The following DIP2C variants were observed in gnomAD, a reference collection of about 807,000 sequenced individuals.
DIP2C encodes DIP2 acetate--CoA ligase C (putative), also known as disco-interacting protein 2 homolog C.
Under a neutral mutation model 192.4 loss-of-function variants are expected in DIP2C, and 33 were observed. That is an observed-to-expected ratio of 0.17 (90% CI 0.13 to 0.23). DIP2C has a LOEUF of 0.23. DIP2C is among the 10% of genes least tolerant of loss of function. The probability of loss-of-function intolerance (pLI) is 1.00; values close to 1 mark genes in which losing one functional copy is unlikely to be tolerated. For missense variants in DIP2C, 1,537 were observed against 2,110.1 expected (o/e 0.73, Z 5.32); for synonymous variants, 979 against 864.1 (o/e 1.13, Z -2.33).
intron 2 of DIP2C, among the ~76,000 whole-genome samples, chr10:472,888 T>C (rs758311211): frequency 1.3e-5 from 2 of 152,264 alleles, no homozygotes; most frequent in African/African-American, 2.4e-5. Context: ...ACTCAAGTTA[T>C]GACCTTTTAA....
intron 1 of DIP2C, among the ~76,000 whole-genome samples, chr10:679,188 A>G (rs201370780): frequency 1.8e-4 from 1 of 5,446 alleles, no homozygotes; most frequent in Admixed American, 3.9e-3. Context: ...CATGCTCCCC[A>G]CACCCAGGCT....
chr10:409,755 A>G (rs922042121), intron 8 of DIP2C, among the ~76,000 whole-genome samples: 2 of 152,222 alleles, frequency 1.3e-5, no homozygotes, highest in African/African-American at 4.8e-5. Flanking sequence ...CTCACCTTCA[A>G]ACTTTCCTAA....
rs141463591 is a variant in DIP2C, at chr10:607,519, C to T, written c.85+81975G>A. Among the ~76,000 whole-genome samples the T allele has an allele frequency of 5.9e-3, 895 of 152,294 alleles. 7 individuals are homozygous for T. The highest frequency in any genetic ancestry group is 0.031 in the Middle Eastern group (9 of 294). On this transcript the variant is annotated intron_variant, in intron 1 of 36. Transcript: ENST00000280886. ...GAGATCGTCTCTACCTTTATGAGCA[C>T]GTATGCTCCCTGACTTACCACGTGG...
chr10:682,940 C>G (rs1003742284), intron 1 of DIP2C, among the ~76,000 whole-genome samples: 21 of 152,208 alleles, frequency 1.4e-4, no homozygotes, highest in African/African-American at 2.2e-4. Context: ...CCATCAGTCA[C>G]AGCATCTCTC....
At chr10:317,081 TA>T (rs1564545129) in intron 31 of DIP2C, among the ~76,000 whole-genome samples, 1 of 152,176 alleles carries the variant, frequency 6.6e-6, no homozygotes, top group African/African-American at 2.4e-5. Context: ...CCAAAATATT[TA>T]AAAAATAAAT....
In DIP2C at chr10:349,458, C is replaced by T. The variant is rs374190085; in HGVS notation, c.2986-4G>A. On this transcript the variant is annotated splice_polypyrimidine_tract_variant and splice_region_variant and intron_variant, in intron 24 of 36. Transcript: ENST00000280886. ...TCAGCGAGTTCGCTATCGCACCCTG[C>T]GGGCCGATCACAGGGACAAGCACAT... is the stretch of plus-strand genomic sequence containing the variant. 154 of 1,598,630 alleles carry T rather than the reference C, an allele frequency of 9.6e-5. No individual in the cohort carries two copies. Among genetic ancestry groups the T allele is most frequent in the Admixed American group, 4.0e-4 (24 of 59,852 alleles).
At position 277,385 on chromosome 10, in the gene DIP2C, G is replaced by T; in HGVS notation, c.4611C>A (p.His1537Gln). ...GGTCTGCCAAAAACCCGTCTCGCAG[G>T]TGCATGCGCTGCTTCTCCCCACGGG... ...INSRGEKQRM[H>Q]LRDGFLADQL... The change falls in exon 37 of 37, where the codon CAC becomes CAA. Residue 1537 changes from histidine to glutamine, a missense_variant. By Grantham distance (24) the His-to-Gln change is conservative. Coordinates refer to ENST00000280886, the MANE Select transcript of DIP2C (RefSeq NM_014974.3). The T allele has an allele frequency of 6.2e-7, 1 of 1,614,230 alleles. No homozygotes were observed. The highest frequency in any genetic ancestry group is 1.3e-5 in the African/African-American group (1 of 75,052).
chr10:647,574 ATT>A lies in DIP2C; in HGVS notation c.85+41918_85+41919del, dbSNP rs539717794. On this transcript the variant is annotated intron_variant, in intron 1 of 36. Transcript: ENST00000280886. ...AGAGGGAAACTGAGTCCACGTCCAC[ATT>A]TGACGGTGGGAGAGAACAGAGGGAA... Among the ~76,000 whole-genome samples, 273 of 150,434 alleles carry A rather than the reference ATT, an allele frequency of 1.8e-3. 1 individual carries two copies. Among genetic ancestry groups the A allele is most frequent in the Middle Eastern group, 6.8e-3 (2 of 292 alleles).
chr10:575,615 AAAG>A (rs1850100501), intron 1 of DIP2C, among the ~76,000 whole-genome samples: 1 of 152,328 alleles, frequency 6.6e-6, no homozygotes, highest in East Asian at 1.9e-4. Context: ...AAAACCCAGA[AAAG>A]AACACAAGCC....
chr10:680,496 A>G (rs1194023942), intron 1 of DIP2C, among the ~76,000 whole-genome samples: 2 of 151,950 alleles, frequency 1.3e-5, no homozygotes, highest in Non-Finnish European at 2.9e-5. Flanking sequence ...CTGCAGCACA[A>G]CAAACAACCT....
intron 17 of DIP2C, among the ~76,000 whole-genome samples, chr10:378,240 T>C (rs917003951): frequency 1.3e-5 from 2 of 152,220 alleles, no homozygotes; most frequent in African/African-American, 4.8e-5. Context: ...TTTAAATGCC[T>C]AGGTGAAAAT....
intron 31 of DIP2C, among the ~76,000 whole-genome samples, chr10:325,273 A>C (rs1027017125): frequency 6.6e-6 from 1 of 152,072 alleles, no homozygotes; most frequent in African/African-American, 2.4e-5. Flanking sequence ...TCAAAAACAA[A>C]CAAACAAAAA....
chr10:575,493 C>T (rs1445518332), intron 1 of DIP2C, among the ~76,000 whole-genome samples: 1 of 152,190 alleles, frequency 6.6e-6, no homozygotes, highest in African/African-American at 2.4e-5. Flanking sequence ...GCAAAAGTCT[C>T]TCAACTTCGA....
At chr10:531,154 C>A (rs1398677240) in intron 1 of DIP2C, among the ~76,000 whole-genome samples, 1 of 152,144 alleles carries the variant, frequency 6.6e-6, no homozygotes, top group Non-Finnish European at 1.5e-5. Context: ...TTACGCTCGC[C>A]CCAAGGTGAA....
intron 5 of DIP2C, among the ~76,000 whole-genome samples, chr10:421,012 A>C (rs1966145289): frequency 6.6e-6 from 1 of 152,218 alleles, no homozygotes; most frequent in Non-Finnish European, 1.5e-5. Flanking sequence ...GTCAAGTGCA[A>C]ATCTGACTTT....
intron 1 of DIP2C, among the ~76,000 whole-genome samples, chr10:548,911 C>CGAAAAAA (rs1348217783): frequency 1.5e-4 from 4 of 26,456 alleles, no homozygotes; most frequent in South Asian, 2.3e-3. Flanking sequence ...TAGCAGCTCA[C>CGAAAAAA]AAAAAAAAAA....
chr10:406,601 G>C (rs535178116), intron 9 of DIP2C, among the ~76,000 whole-genome samples: 1 of 152,074 alleles, frequency 6.6e-6, no homozygotes, highest in African/African-American at 2.4e-5. Flanking sequence ...ACTAACCTTG[G>C]GAAGGAATTC....
chr10:382,865 G>T (rs1962506142), intron 16 of DIP2C, 104 bp from the exon 17 acceptor site: 1 of 665,318 alleles, frequency 1.5e-6, no homozygotes, highest in South Asian at 2.5e-5. Flanking sequence ...GGCACAAGTG[G>T]ATCTAGGCAG....
At chr10:445,398 A>G (rs1589811775) in intron 3 of DIP2C, among the ~76,000 whole-genome samples, 2 of 151,378 alleles carry the variant, frequency 1.3e-5, no homozygotes, top group African/African-American at 2.4e-5. Context: ...GCATCTGTAT[A>G]TATTGGTTGC....
Sources: allele counts gnomAD v4.1 joint callset (sites outside exome capture counted in the v4.1 genomes callset), GRCh38; gene constraint gnomAD v4.1.1; transcripts MANE v1.5; gene names NCBI Gene and HGNC (gene_info 2026-07-23, HGNC 2026-07-21).